The following ARHGAP32 variants were observed in gnomAD, a reference collection of about 807,000 sequenced individuals.
The protein encoded by ARHGAP32 is Rho GTPase activating protein 32.
ARHGAP32 carries 51 observed loss-of-function variants against 186.5 expected under a neutral mutation model. The observed-to-expected ratio is 0.27, with a 90% confidence interval of 0.22 to 0.35. The LOEUF (loss-of-function observed/expected upper bound fraction) is 0.35. Among genes scored for constraint, ARHGAP32 ranks in the 10% least tolerant of loss-of-function variants. ARHGAP32 has a pLI of 1.00. For missense variants in ARHGAP32, 2,186 were observed against 2,623.5 expected, an observed-to-expected ratio of 0.83 and a Z score of 3.64; for synonymous variants, 950 against 964.3, an observed-to-expected ratio of 0.99 and a Z score of 0.27.
At chr11:129,198,860 G>A (rs1049857023) in intron 1 of ARHGAP32, among the ~76,000 whole-genome samples, 1 of 152,158 alleles carries the variant, frequency 6.6e-6, no homozygotes, top group Non-Finnish European at 1.5e-5. Context: ...AGAAAAATGT[G>A]GGAAAGTTTG....
chr11:129,239,058 C>G (rs1007742416), intron 1 of ARHGAP32, among the ~76,000 whole-genome samples: 1 of 152,032 alleles, frequency 6.6e-6, no homozygotes, highest in African/African-American at 2.4e-5. Context: ...CTATGTTGCC[C>G]AGACTGGTCT....
chr11:129,171,668 T>A (rs113278381), intron 1 of ARHGAP32, among the ~76,000 whole-genome samples: 1 of 152,136 alleles, frequency 6.6e-6, no homozygotes, highest in Non-Finnish European at 1.5e-5. Context: ...TTCTTTGATT[T>A]CATATGAAAT....
chr11:129,246,629 G>A (rs1945101298), intron 1 of ARHGAP32, among the ~76,000 whole-genome samples: 1 of 152,160 alleles, frequency 6.6e-6, no homozygotes, highest in South Asian at 2.1e-4. Flanking sequence ...GCGACAATCA[G>A]AGATGAAAAT....
chr11:129,022,073 G>A (rs1938619136), intron 11 of ARHGAP32, among the ~76,000 whole-genome samples: 1 of 152,022 alleles, frequency 6.6e-6, no homozygotes, highest in African/African-American at 2.4e-5. Context: ...TTAAAAGCTA[G>A]TACTATCTCA....
At chr11:129,193,701 TA>T (rs1208082081), upstream of ARHGAP32, among the ~76,000 whole-genome samples, 1 of 32,920 alleles carries the variant, frequency 3.0e-5, no homozygotes. Context: ...ATATAATATA[TA>T]ATATATATTA....
At chr11:129,094,101 G>C (rs929851180) in intron 5 of ARHGAP32, among the ~76,000 whole-genome samples, 12 of 152,072 alleles carry the variant, frequency 7.9e-5, no homozygotes, top group African/African-American at 2.9e-4. Context: ...GTGGGGTGGG[G>C]AGGAGGTGGG....
chr11:128,976,969 C>T (rs1324030543), intron 19 of ARHGAP32, among the ~76,000 whole-genome samples: 1 of 152,132 alleles, frequency 6.6e-6, no homozygotes, highest in Non-Finnish European at 1.5e-5. Flanking sequence ...TGACATCATA[C>T]TGGATTTAGA....
At chr11:129,209,153 A>T (rs1249587095) in intron 1 of ARHGAP32, among the ~76,000 whole-genome samples, 1 of 152,214 alleles carries the variant, frequency 6.6e-6, no homozygotes, top group Non-Finnish European at 1.5e-5. Flanking sequence ...AATCTCATTA[A>T]TAACAATGAC....
chr11:129,197,203 C>T (rs1279937932), upstream of ARHGAP32, among the ~76,000 whole-genome samples: 1 of 152,144 alleles, frequency 6.6e-6, no homozygotes, highest in African/African-American at 2.4e-5. Flanking sequence ...TTTTTATTTT[C>T]TCCTTTTTGG....
rs1262610399 is a variant in ARHGAP32 at position 128,969,792 on chromosome 11, A to G, written c.5421T>C (p.Arg1807=). Residue 1807 remains arginine (R), a synonymous_variant, in exon 23 of 23, where the codon CGT becomes CGC. Transcript: ENST00000682385. This position sits in a 1 kb window ranked among gnomAD's most constrained non-coding sequence, Gnocchi z 4.8. ...DLGGIYVIHL[R]SKSDPGKTGL... The stretch of plus-strand genomic sequence containing the variant: ...CAGTTTTCCCAGGATCTGATTTACT[A>G]CGCAGATGGATGACATAGATCCCAC... 1 of 1,614,056 alleles carries G rather than the reference A, an allele frequency of 6.2e-7. No individual in the cohort carries two copies. The highest frequency in any genetic ancestry group is 8.5e-7 in the Non-Finnish European group (1 of 1,180,008).
At chr11:129,193,666 T>TTA (rs1491118311), upstream of ARHGAP32, among the ~76,000 whole-genome samples, 1 of 56,466 alleles carries the variant, frequency 1.8e-5, no homozygotes, top group Non-Finnish European at 3.2e-5. Context: ...ACAATATATA[T>TTA]TATATATAAT....
chr11:129,179,181 AC>A (rs1165667456), intron 1 of ARHGAP32, among the ~76,000 whole-genome samples: 4 of 152,284 alleles, frequency 2.6e-5, no homozygotes, highest in East Asian at 3.9e-4. Context: ...CAGCCAAAAA[AC>A]ATATGAAAAA....
chr11:129,157,915 G>A (rs532595103), intron 2 of ARHGAP32, among the ~76,000 whole-genome samples: 1 of 152,216 alleles, frequency 6.6e-6, no homozygotes, highest in South Asian at 2.1e-4. Flanking sequence ...GAGAGTAGGG[G>A]GCCAATATTC....
intron 1 of ARHGAP32, among the ~76,000 whole-genome samples, chr11:129,240,795 C>T (rs1945005807): frequency 6.6e-6 from 1 of 152,100 alleles, no homozygotes; most frequent in African/African-American, 2.4e-5. Flanking sequence ...CTGCATAAAG[C>T]TTTTCTATCT....
chr11:129,203,519 G>C (rs971541846), intron 1 of ARHGAP32, among the ~76,000 whole-genome samples: 1 of 151,780 alleles, frequency 6.6e-6, no homozygotes, highest in Non-Finnish European at 1.5e-5. Context: ...AGTTAATTAA[G>C]GTAAAAGTAT....
At chr11:129,183,964 C>G (rs1478992053) in intron 1 of ARHGAP32, among the ~76,000 whole-genome samples, 2 of 152,006 alleles carry the variant, frequency 1.3e-5, no homozygotes, top group Non-Finnish European at 2.9e-5. Context: ...AAATCCTTAA[C>G]AGAATGGTAT....
At chr11:129,193,517 T>G (rs1944311124), upstream of ARHGAP32, among the ~76,000 whole-genome samples, 2 of 83,134 alleles carry the variant, frequency 2.4e-5, no homozygotes, top group African/African-American at 4.6e-5. Context: ...TATATGCAGG[T>G]CCCTAGAGCA....
chr11:129,217,589 G>A (rs1591702319), intron 1 of ARHGAP32, among the ~76,000 whole-genome samples: 1 of 152,054 alleles, frequency 6.6e-6, no homozygotes, highest in Non-Finnish European at 1.5e-5. Context: ...TATATATCAT[G>A]AATCACAGAA....
chr11:129,160,461 GA>G (rs1943505974), intron 2 of ARHGAP32, among the ~76,000 whole-genome samples: 2 of 152,074 alleles, frequency 1.3e-5, no homozygotes, highest in Admixed American at 6.6e-5. Flanking sequence ...ACCAATAATA[GA>G]CAAACAGAGA....
Sources: allele counts gnomAD v4.1 joint callset (sites outside exome capture counted in the v4.1 genomes callset), GRCh38; gene constraint gnomAD v4.1.1; non-coding constraint Gnocchi (gnomAD v3.1); transcripts MANE v1.5; gene names NCBI Gene and HGNC (gene_info 2026-07-23, HGNC 2026-07-21).